The following DDX60L variants were observed in gnomAD, a reference collection of about 807,000 sequenced individuals.
The protein encoded by DDX60L is DExD/H-box 60 like.
DDX60L carries 191 observed loss-of-function variants against 211.6 expected under a neutral mutation model. That is an observed-to-expected ratio of 0.90 (90% confidence interval 0.80 to 1.02). DDX60L has a LOEUF of 1.02. DDX60L is among the 50% of genes least tolerant of loss of function. The pLI is 0.00. For missense variants in DDX60L, 2,007 were observed against 1,984.1 expected (o/e 1.01, Z -0.22); for synonymous variants, 706 against 694.1 (o/e 1.02, Z -0.27).
At chr4:168,381,648 G>T (rs1742984545) in intron 30 of DDX60L, among the ~76,000 whole-genome samples, 1 of 150,968 alleles carries the variant, frequency 6.6e-6, no homozygotes, top group African/African-American at 2.4e-5. Context: ...ATAAAGAAAA[G>T]GATCCATATA....
chr4:168,390,846 C>T (rs1423802947), intron 29 of DDX60L, among the ~76,000 whole-genome samples: 2 of 152,040 alleles, frequency 1.3e-5, no homozygotes, highest in Non-Finnish European at 2.9e-5. Flanking sequence ...ATTTATCTCT[C>T]TTTCCTCCCT....
At chr4:168,426,318 T>C (rs1751437292) in intron 14 of DDX60L, among the ~76,000 whole-genome samples, 1 of 152,212 alleles carries the variant, frequency 6.6e-6, no homozygotes, top group African/African-American at 2.4e-5. Context: ...TTTATTATCA[T>C]GGCCCAGTTA....
At chr4:168,405,033 G>A (rs1747495134) in intron 24 of DDX60L, among the ~76,000 whole-genome samples, 2 of 147,668 alleles carry the variant, frequency 1.4e-5, no homozygotes, top group Admixed American at 6.8e-5. Context: ...TTTTGAAGAT[G>A]AGTCTCCCTC....
chr4:168,358,270 G>C lies in DDX60L; in HGVS notation c.4998C>G (p.Ser1666=). Residue 1666 remains serine (S), a synonymous_variant, in exon 38 of 38, where the codon TCC becomes TCG. Transcript: ENST00000682922. ...GCTTATTTTCACATAGTTCACTCAAGGAGTCACTGTATAAATGATAATAAT... is the reference window on the plus strand; with the variant it reads ...GCTTATTTTCACATAGTTCACTCAACGAGTCACTGTATAAATGATAATAAT... ...FAFNIQAISD[S]LSELCENKRD... is the part of the protein sequence containing the mutation. 6.4e-7 allele frequency: 1 copy of C among 1,569,646 alleles called. No homozygotes were observed. Among genetic ancestry groups the C allele is most frequent in the African/African-American group, 1.4e-5 (1 of 72,612 alleles).
intron 37 of DDX60L, among the ~76,000 whole-genome samples, chr4:168,360,073 C>T (rs1021711918): frequency 7.9e-5 from 12 of 151,884 alleles, no homozygotes; most frequent in East Asian, 3.9e-4. Context: ...ATGCTTTTTC[C>T]GATTATAGTA....
intron 1 of DDX60L, among the ~76,000 whole-genome samples, chr4:168,475,193 G>A (rs927081197): frequency 2.6e-4 from 39 of 152,082 alleles, no homozygotes; most frequent in African/African-American, 8.5e-4. Context: ...CTGCGAATTT[G>A]GAATACTATT....
At chr4:168,389,009 A>G (rs1201864462) in intron 29 of DDX60L, among the ~76,000 whole-genome samples, 1 of 152,160 alleles carries the variant, frequency 6.6e-6, no homozygotes, top group African/African-American at 2.4e-5. Flanking sequence ...TGCTTATGGG[A>G]AAGAAGTGAC....
At chr4:168,435,330 T>C (rs1424481195) in intron 10 of DDX60L, among the ~76,000 whole-genome samples, 1 of 152,236 alleles carries the variant, frequency 6.6e-6, no homozygotes, top group Non-Finnish European at 1.5e-5. Context: ...AGAAAAATTG[T>C]AAGCCAAAAG....
chr4:168,446,820 C>T (rs1402657369), intron 9 of DDX60L, among the ~76,000 whole-genome samples: 1 of 120,002 alleles, frequency 8.3e-6, no homozygotes, highest in Non-Finnish European at 1.7e-5. Context: ...GGAAAACTGG[C>T]TAGCCATATG....
chr4:168,360,236 T>C lies in DDX60L; in HGVS notation c.4991+913A>G, dbSNP rs143363962. On this transcript the variant is annotated intron_variant, in intron 37 of 37. Transcript: ENST00000682922. The stretch of plus-strand genomic sequence containing the variant: ...TAACACAGTAAGACCTTGATACTTT[T>C]ATAATTGATAAATGAATGAAGGAAT... Among the ~76,000 whole-genome samples, 953 of 152,364 alleles carry C rather than the reference T, an allele frequency of 6.3e-3. 4 individuals are homozygous for C. Among genetic ancestry groups the C allele is most frequent in the Middle Eastern group, 0.014 (4 of 294 alleles).
chr4:168,379,941 C>A (rs898980767), intron 30 of DDX60L, 111 bp from the exon 31 acceptor site: 5 of 639,144 alleles, frequency 7.8e-6, no homozygotes, highest in Non-Finnish European at 1.0e-5. Context: ...CCAGATCTTA[C>A]GTGAAAGTAA....
At chr4:168,425,525 G>A (rs1406753074) in intron 14 of DDX60L, among the ~76,000 whole-genome samples, 5 of 152,182 alleles carry the variant, frequency 3.3e-5, no homozygotes, top group Admixed American at 6.5e-5. Context: ...TCTTTGGGAC[G>A]CCCTGGCGGA....
intron 10 of DDX60L, among the ~76,000 whole-genome samples, chr4:168,439,948 C>T (rs774014445): frequency 1.5e-4 from 23 of 152,174 alleles, no homozygotes; most frequent in Non-Finnish European, 3.1e-4. Flanking sequence ...CAAAACTCAG[C>T]AGGCACTTCA....
chr4:168,409,077 C>T (rs1490432965), intron 22 of DDX60L, among the ~76,000 whole-genome samples: 1 of 152,160 alleles, frequency 6.6e-6, no homozygotes, highest in Non-Finnish European at 1.5e-5. Flanking sequence ...ATCTTAGGAG[C>T]ACGAAGAAAG....
intron 37 of DDX60L, among the ~76,000 whole-genome samples, chr4:168,358,530 T>TTTA (rs1560908120): frequency 6.5e-5 from 9 of 139,346 alleles, no homozygotes; most frequent in African/African-American, 2.4e-4. Flanking sequence ...TTTTCTTTTT[T>TTTA]TTTTTTTTTT....
rs186240999 is a variant in DDX60L, at chr4:168,463,551, T to C, written c.265-1511A>G. On this transcript the variant is annotated intron_variant, in intron 4 of 37. Coordinates refer to ENST00000682922, the MANE Select transcript of DDX60L (RefSeq NM_001012967.3). ...TACAACAAACCCCCATAAGACAAGC[T>C]TACCTACATAACAAACCTGCACATG... is the stretch of plus-strand genomic sequence containing the variant. 1.1e-4 allele frequency among the ~76,000 whole-genome samples: 17 copies of C among 152,142 alleles called. 1 individual carries two copies. In the East Asian group the frequency reaches 3.3e-3, roughly 29 times the overall value.
intron 35 of DDX60L, 140 bp downstream of exon 35, chr4:168,373,526 T>C (rs994254451): frequency 1.2e-6 from 1 of 849,716 alleles, no homozygotes; most frequent in Admixed American, 2.5e-5. Context: ...CCTCCAGGGC[T>C]TCATTCTCTT....
intron 36 of DDX60L, among the ~76,000 whole-genome samples, chr4:168,367,407 C>T (rs540990682): frequency 7.9e-5 from 12 of 152,300 alleles, no homozygotes; most frequent in South Asian, 2.1e-4. Context: ...CCATGTGAGA[C>T]GTGCCTTTCA....
At chr4:168,474,133 A>G (rs1274216879) in intron 1 of DDX60L, among the ~76,000 whole-genome samples, 8 of 152,220 alleles carry the variant, frequency 5.3e-5, no homozygotes, top group Non-Finnish European at 1.0e-4. Context: ...TTAAATATTT[A>G]AAAGTTAAGT....
Sources: allele counts gnomAD v4.1 joint callset (sites outside exome capture counted in the v4.1 genomes callset), GRCh38; gene constraint gnomAD v4.1.1; transcripts MANE v1.5; gene names NCBI Gene and HGNC (gene_info 2026-07-23, HGNC 2026-07-21).